Variants in SPACA3 observed in about 807,000 individuals in gnomAD.
SPACA3 encodes the protein sperm acrosome associated 3, also known as sperm acrosome membrane-associated protein 3.
A neutral mutation model predicts 24.5 loss-of-function variants in SPACA3; 21 were observed. That is an observed-to-expected ratio of 0.86 (90% CI 0.61 to 1.24). The LOEUF (loss-of-function observed/expected upper bound fraction) is 1.24. Among genes scored for constraint, SPACA3 ranks in the 50% most tolerant of loss-of-function variants. SPACA3 has a pLI of 0.00. For missense variants in SPACA3, 278 were observed against 275.5 expected, an observed-to-expected ratio of 1.01 and a Z score of -0.06; for synonymous variants, 115 against 106.9, an observed-to-expected ratio of 1.08 and a Z score of -0.47.
At chr17:32,992,000 G>T in intron 1 of SPACA3, 28 bp downstream of exon 1, 1 of 1,612,622 alleles carries the variant, frequency 6.2e-7, no homozygotes, top group Non-Finnish European at 8.5e-7. Flanking sequence ...TCTTCCTGGG[G>T]CTGTTAACAG....
chr17:32,992,087 G>A, intron 1 of SPACA3, 115 bp downstream of exon 1: 1 of 1,057,554 alleles, frequency 9.5e-7, no homozygotes, highest in Non-Finnish European at 1.4e-6. Context: ...TCCTGGCCTG[G>A]AAGAGTGACC....
intron 1 of SPACA3, 136 bp downstream of exon 1, chr17:32,992,108 G>GGA (rs113235680): frequency 1.1e-3 from 758 of 717,062 alleles, no homozygotes; most frequent in Middle Eastern, 5.8e-3. Context: ...AGCTGAGAGA[G>GGA]GAGAGAGAGA....
Position 32,995,512 on chromosome 17 carries a change from C to T in SPACA3, c.138C>T (p.Gly46=). ...QSSALSQSGG[G]STSAAGIEAR... ...CAGCTCTGAGCCAGAGTGGTGGTGG[C>T]TCCACCTCTGCCGCCGGCATAGAAG... The change falls in exon 2 of 5, where the codon GGC becomes GGT. Residue 46 remains glycine (G), a synonymous_variant. Transcript: ENST00000269053. 1.9e-6 allele frequency: 3 copies of T among 1,614,202 alleles called. No homozygotes were observed. Among genetic ancestry groups the T allele is most frequent in the Non-Finnish European group, 2.5e-6 (3 of 1,180,026 alleles).
chr17:32,997,690 C>A, intron 4 of SPACA3, 22 bp from the exon 5 acceptor site: 1 of 1,613,150 alleles, frequency 6.2e-7, no homozygotes, highest in Non-Finnish European at 8.5e-7. Flanking sequence ...TATCTCTCCT[C>A]TTCCCTGTTC....
chr17:32,996,488 CAA>C (rs71144856), intron 2 of SPACA3, among the ~76,000 whole-genome samples: 38,539 of 103,092 alleles, frequency 0.37, 4,656 homozygotes, highest in East Asian at 0.41. Context: ...GACTCCGTCT[CAA>C]AAAAAAAAAA....
intron 2 of SPACA3, among the ~76,000 whole-genome samples, 165 bp downstream of exon 2, chr17:32,995,882 T>C (rs148960797): frequency 5.3e-5 from 8 of 151,692 alleles, no homozygotes; most frequent in African/African-American, 1.9e-4. Context: ...CAGCACGGAG[T>C]AAAACACGCA....
intron 3 of SPACA3, 97 bp from the exon 4 acceptor site, chr17:32,997,348 G>C (rs1467297219): frequency 1.2e-6 from 1 of 800,500 alleles, no homozygotes; most frequent in Admixed American, 2.2e-5. Flanking sequence ...TGTGTGTAGA[G>C]AGAGAGAGAG....
chr17:32,992,186 CA>C (rs10591674), intron 1 of SPACA3, among the ~76,000 whole-genome samples: 18,268 of 113,642 alleles, frequency 0.16, 1,025 homozygotes, highest in Middle Eastern at 0.22. Flanking sequence ...CACTTTTCTA[CA>C]AAAAAAAAAA....
At chr17:32,992,074 T>G (rs2188952) in intron 1 of SPACA3, 102 bp downstream of exon 1, 898,604 of 1,295,616 alleles carry the variant, frequency 0.69, 315,186 homozygotes, top group African/African-American at 0.91. Flanking sequence ...TAGGGTGGGG[T>G]TATCCTGGCC....
rs188244560 is a variant in SPACA3 at position 32,997,306 on chromosome 17, G to A, written c.503-139G>A. ...GGTTGAGACAGGATTGGATTTAGGC[G>A]AGTGGAGTGTGTGTGTGTGTGTGTG... On this transcript the variant is annotated intron_variant, in intron 3 of 4. Transcript: ENST00000269053. 299 of 753,064 alleles carry A rather than the reference G, an allele frequency of 4.0e-4. 2 individuals carry two copies. In the African/African-American group the frequency reaches 5.3e-3, roughly 13 times the overall value. 46.6% of individuals were successfully genotyped at this position (753,064 alleles called of 1,614,324 possible).
At chr17:32,994,653 C>G (rs928451825) in intron 1 of SPACA3, among the ~76,000 whole-genome samples, 1 of 152,012 alleles carries the variant, frequency 6.6e-6, no homozygotes, top group Non-Finnish European at 1.5e-5. Flanking sequence ...TGGGGAAATG[C>G]GGGTGAGGAC....
intron 1 of SPACA3, 22 bp from the exon 2 acceptor site, chr17:32,995,387 T>C (rs114757392): frequency 0.04 from 62,838 of 1,568,340 alleles, 1,528 homozygotes; most frequent in Middle Eastern, 0.096. Flanking sequence ...GCCCACCCCT[T>C]CTCTCCTCTC....
chr17:32,996,985 C>A lies in SPACA3; in HGVS notation c.486C>A (p.Cys162Ter). The A allele has an allele frequency of 6.4e-7, 1 of 1,557,516 alleles. No individual in the cohort carries two copies. The highest frequency in any genetic ancestry group is 8.7e-7 in the Non-Finnish European group (1 of 1,151,780). Residue 162 changes from cysteine (C) to a stop codon, truncating the protein, a stop_gained, in exon 3 of 5, where the codon TGC becomes TGA. Transcript: ENST00000269053. LOFTEE classifies it high-confidence loss of function. The stretch of plus-strand genomic sequence containing the variant: ...TCACCCCGAACGTCCCCAACGTGTG[C>A]CGGATGTACTGCTCAGGTAGCTGGG... ...SNLTPNVPNV[C>*]RMYCSDLLNP...
chr17:32,993,349 G>C (rs1387199596), intron 1 of SPACA3, among the ~76,000 whole-genome samples: 1 of 152,176 alleles, frequency 6.6e-6, no homozygotes, highest in African/African-American at 2.4e-5. Flanking sequence ...CTAACAGCAG[G>C]GCTGCCCAGG....
At chr17:32,997,088 T>G in intron 3 of SPACA3, 87 bp downstream of exon 3, 1 of 1,407,604 alleles carries the variant, frequency 7.1e-7, no homozygotes, top group South Asian at 1.5e-5. Context: ...TACCCCCATC[T>G]CTGAGTGAGG....
rs1450537893 is a variant in SPACA3 at position 32,995,390 on chromosome 17, C to T, written c.35-19C>T. 2.7e-5 allele frequency: 42 copies of T among 1,571,730 alleles called. No individual in the cohort carries two copies. Among genetic ancestry groups the T allele is most frequent in the Non-Finnish European group, 3.5e-5 (41 of 1,157,454 alleles). ...GCCTGGCCTTCTGCCCACCCCTTCTCTCCTCTCCCCTTTCCCAGGGGTGCA... is the reference window on the plus strand; with the variant it reads ...GCCTGGCCTTCTGCCCACCCCTTCTTTCCTCTCCCCTTTCCCAGGGGTGCA... On this transcript the variant is annotated intron_variant, in intron 1 of 4. Transcript: ENST00000269053.
In SPACA3 at chr17:32,993,137, G is replaced by C. The variant is rs1052101680; in HGVS notation, c.34+1165G>C. ...AGAATGACATTCATATTTCCAGTTT[G>C]GGTAAATGTGTGGCCCATCATGTTT... On this transcript the variant is annotated intron_variant, in intron 1 of 4. Transcript: ENST00000269053. 5 of 367,914 alleles carry C rather than the reference G, an allele frequency of 1.4e-5. No individual in the cohort carries two copies. In the East Asian group the frequency reaches 4.0e-4, roughly 30 times the overall value. The allele number at this position is 367,914 out of a possible 1,614,324, so 22.8% of individuals were successfully genotyped here.
chr17:32,997,338 T>A (rs1398575166), intron 3 of SPACA3, 107 bp from the exon 4 acceptor site: 184 of 797,154 alleles, frequency 2.3e-4, no homozygotes, highest in Non-Finnish European at 3.3e-4. Context: ...TGTGTGTGTG[T>A]GTGTGTAGAG....
intron 1 of SPACA3, chr17:32,992,775 G>T (rs2151127191): frequency 2.4e-6 from 1 of 416,872 alleles, no homozygotes; most frequent in South Asian, 1.9e-5. Flanking sequence ...GAACAAGGTG[G>T]CACTGCTGAA....
Sources: allele counts gnomAD v4.1 joint callset (sites outside exome capture counted in the v4.1 genomes callset), GRCh38; gene constraint gnomAD v4.1.1; transcripts MANE v1.5; gene names NCBI Gene and HGNC (gene_info 2026-07-23, HGNC 2026-07-21).